Variants in TOX3 observed in about 807,000 individuals in gnomAD.
The protein encoded by TOX3 is CAG trinucleotide repeat-containing gene F9 protein.
TOX3 carries 22 observed loss-of-function variants against 64.3 expected under a neutral mutation model. The observed-to-expected ratio is 0.34, with a 90% CI of 0.24 to 0.49. TOX3 has a LOEUF of 0.49. Ranked by LOEUF, TOX3 falls within the 20% of genes least tolerant of loss-of-function variation. TOX3 has a pLI of 0.99. For synonymous variants in TOX3, 291 were observed against 273.6 expected (o/e 1.06, Z -0.63); for missense variants, 661 against 714.4 (o/e 0.93, Z 0.85).
intron 1 of TOX3, among the ~76,000 whole-genome samples, chr16:52,489,366 C>T (rs1414879371): frequency 6.6e-6 from 1 of 152,142 alleles, no homozygotes; most frequent in African/African-American, 2.4e-5. Flanking sequence ...AAGCCTCCTA[C>T]AATTTGTCTT....
intron 1 of TOX3, among the ~76,000 whole-genome samples, chr16:52,526,301 G>A (rs12918816): frequency 0.32 from 48,177 of 151,944 alleles, 7,933 homozygotes; most frequent in East Asian, 0.47. Context: ...ACGAAGCCAG[G>A]AGATGAGGGC....
intron 1 of TOX3, among the ~76,000 whole-genome samples, chr16:52,532,750 T>A (rs1001054826): frequency 3.3e-5 from 5 of 152,022 alleles, no homozygotes; most frequent in Non-Finnish European, 7.4e-5. Context: ...TATTCCCAAT[T>A]CCTAGGAAGA....
intron 1 of TOX3, among the ~76,000 whole-genome samples, chr16:52,536,777 C>T (rs544079835): frequency 6.7e-6 from 1 of 149,954 alleles, no homozygotes; most frequent in Admixed American, 6.6e-5. Context: ...TTTTCCTTAA[C>T]TCTTGACATT....
At chr16:52,456,084 G>A (rs909416476) in intron 3 of TOX3, among the ~76,000 whole-genome samples, 1 of 152,198 alleles carries the variant, frequency 6.6e-6, no homozygotes, top group African/African-American at 2.4e-5. Flanking sequence ...AGCTGGCTAT[G>A]AGGCTGGAAC....
chr16:52,484,548 A>G (rs980162607), intron 1 of TOX3, among the ~76,000 whole-genome samples: 5 of 152,280 alleles, frequency 3.3e-5, no homozygotes, highest in Non-Finnish European at 5.9e-5. Context: ...AGCAATAATC[A>G]AGTTTTACTG....
chr16:52,446,285 C>T, intron 4 of TOX3, 64 bp from the exon 5 acceptor site: 1 of 1,504,930 alleles, frequency 6.6e-7, no homozygotes, highest in Non-Finnish European at 9.0e-7. Context: ...CAAGACTTAA[C>T]TCAGATCCAT....
intron 2 of TOX3, among the ~76,000 whole-genome samples, chr16:52,465,005 CTTTTTTTT>C (rs1168498170): frequency 5.6e-5 from 4 of 70,956 alleles, no homozygotes; most frequent in South Asian, 6.4e-4. Context: ...TTAATGCATT[CTTTTTTTT>C]TTTTTTTTTT....
chr16:52,536,341 G>A (rs933792177), intron 1 of TOX3, among the ~76,000 whole-genome samples: 9 of 151,794 alleles, frequency 5.9e-5, no homozygotes. Context: ...ACTTGAAGGT[G>A]ATATCTGGGC....
intron 1 of TOX3, among the ~76,000 whole-genome samples, chr16:52,528,634 CTT>C (rs1381041754): frequency 6.6e-6 from 1 of 152,132 alleles, no homozygotes; most frequent in East Asian, 1.9e-4. Context: ...TATTAGACCT[CTT>C]GAGTCTAACC....
intron 1 of TOX3, among the ~76,000 whole-genome samples, chr16:52,526,802 G>C (rs541368244): frequency 6.6e-6 from 1 of 152,276 alleles, no homozygotes; most frequent in South Asian, 2.1e-4. Context: ...CATTTTCTTG[G>C]AATGTGTTCT....
intron 1 of TOX3, 106 bp from the exon 2 acceptor site, chr16:52,468,680 G>T: frequency 2.4e-6 from 2 of 828,098 alleles, no homozygotes; most frequent in Non-Finnish European, 3.9e-6. Flanking sequence ...AGTTTTATCA[G>T]CCCAAATGCA....
At chr16:52,440,563 T>C (rs540390734) in intron 6 of TOX3, among the ~76,000 whole-genome samples, 128 of 152,266 alleles carry the variant, frequency 8.4e-4, no homozygotes, top group African/African-American at 3.0e-3. Context: ...ACAATTCTTC[T>C]GCATTTAAGT....
intron 1 of TOX3, among the ~76,000 whole-genome samples, chr16:52,537,011 T>C (rs775138125): frequency 6.6e-6 from 1 of 152,042 alleles, no homozygotes; most frequent in Non-Finnish European, 1.5e-5. Flanking sequence ...TTATCTACAG[T>C]GTTCGTTCCA....
chr16:52,542,146 G>C (rs1963088641), intron 1 of TOX3, among the ~76,000 whole-genome samples: 1 of 152,136 alleles, frequency 6.6e-6, no homozygotes, highest in South Asian at 2.1e-4. Flanking sequence ...AGCTGCCAAG[G>C]TTCTAAAAAG....
chr16:52,489,490 A>G (rs1961617353), intron 1 of TOX3, among the ~76,000 whole-genome samples: 1 of 152,104 alleles, frequency 6.6e-6, no homozygotes, highest in Non-Finnish European at 1.5e-5. Flanking sequence ...TTCTCCTCTG[A>G]CATTTTCAGC....
chr16:52,475,141 A>G (rs1217228911), intron 1 of TOX3, among the ~76,000 whole-genome samples: 1 of 152,182 alleles, frequency 6.6e-6, no homozygotes, highest in Non-Finnish European at 1.5e-5. Flanking sequence ...TTCCATGAAT[A>G]GTTTTCAACA....
intron 1 of TOX3, among the ~76,000 whole-genome samples, chr16:52,539,930 C>T (rs920082665): frequency 2.0e-5 from 3 of 152,108 alleles, no homozygotes; most frequent in Non-Finnish European, 4.4e-5. Flanking sequence ...AAATTCACAT[C>T]TCCTTGATTC....
At chr16:52,442,178 G>A (rs888825053) in intron 6 of TOX3, among the ~76,000 whole-genome samples, 1 of 152,086 alleles carries the variant, frequency 6.6e-6, no homozygotes, top group Admixed American at 6.6e-5. Context: ...GTTCCTTTAT[G>A]GCTTAATAGT....
At chr16:52,481,064 A>G (rs1020108471) in intron 1 of TOX3, among the ~76,000 whole-genome samples, 9 of 152,348 alleles carry the variant, frequency 5.9e-5, no homozygotes, top group African/African-American at 2.2e-4. Context: ...GAGACTGAGA[A>G]ACTCTGATAT....
Sources: gnomAD v4.1 joint callset for allele counts (sites outside exome capture counted in the v4.1 genomes callset) on GRCh38, gnomAD v4.1.1 for gene constraint, MANE v1.5 for transcripts, NCBI Gene and HGNC (gene_info 2026-07-23, HGNC 2026-07-21) for gene names.